DNM3: variants seen among roughly 807,000 people sequenced by gnomAD.
DNM3 encodes the protein dynamin-3.
Under a neutral mutation model 101.6 loss-of-function variants are expected in DNM3, and 47 were observed. That is an observed-to-expected ratio of 0.46 (90% CI 0.37 to 0.59). The LOEUF (loss-of-function observed/expected upper bound fraction) is 0.59, where lower values mean the gene tolerates loss of function less well. Ranked by LOEUF, DNM3 falls within the 20% of genes least tolerant of loss-of-function variation. DNM3 has a pLI of 0.00. For missense variants in DNM3, 849 were observed against 1,085.7 expected (o/e 0.78, Z 3.06); for synonymous variants, 385 against 387.9 (o/e 0.99, Z 0.09).
chr1:172,249,319 A>G (rs1249512556), intron 14 of DNM3, among the ~76,000 whole-genome samples: 3 of 151,966 alleles, frequency 2.0e-5, no homozygotes, highest in African/African-American at 7.2e-5. Context: ...CCCACCTTCT[A>G]CCACCTTGGT....
intron 13 of DNM3, 59 bp downstream of exon 13, chr1:172,092,934 C>T (rs2054011104): frequency 7.0e-7 from 1 of 1,419,008 alleles, no homozygotes. Context: ...AACTAAATCG[C>T]TTGATTGACT....
rs146017111 is a variant in DNM3 at position 172,290,293 on chromosome 1, G to C, written c.1770-18435G>C. On this transcript the variant is annotated intron_variant, in intron 15 of 20. Transcript: ENST00000627582. The stretch of plus-strand genomic sequence containing the variant: ...ATGAAAAGAGTAAGAATGGGTGAAG[G>C]GTGGCAGGATTTTAGCTAGAGGGGT... 4.9e-3 allele frequency among the ~76,000 whole-genome samples: 742 copies of C among 152,244 alleles called. 6 individuals are homozygous for C. The highest frequency in any genetic ancestry group is 0.016 in the African/African-American group (678 of 41,546).
At chr1:172,254,357 C>A (rs946980192) in intron 15 of DNM3, among the ~76,000 whole-genome samples, 1 of 152,154 alleles carries the variant, frequency 6.6e-6, no homozygotes, top group African/African-American at 2.4e-5. Flanking sequence ...CACTTAAGCT[C>A]TTCTTGAAGA....
intron 11 of DNM3, among the ~76,000 whole-genome samples, chr1:172,072,026 A>G (rs544440600): frequency 6.6e-6 from 1 of 152,204 alleles, no homozygotes; most frequent in African/African-American, 2.4e-5. Context: ...TTCCTATACT[A>G]CAGTCCAAGT....
At chr1:172,301,904 T>C (rs554966719) in intron 15 of DNM3, among the ~76,000 whole-genome samples, 1 of 152,270 alleles carries the variant, frequency 6.6e-6, no homozygotes, top group East Asian at 1.9e-4. Flanking sequence ...AATAAGGTTA[T>C]GGTCCCGTTC....
intron 4 of DNM3, among the ~76,000 whole-genome samples, chr1:171,996,871 A>C (rs886471214): frequency 6.6e-6 from 1 of 152,036 alleles, no homozygotes. Flanking sequence ...TGTTCAAAAA[A>C]TATAAAAAAA....
intron 15 of DNM3, among the ~76,000 whole-genome samples, chr1:172,276,557 A>ATGTGTGTGTGTGTGTGTG (rs60837783): frequency 0.012 from 1,724 of 144,336 alleles, 26 homozygotes; most frequent in African/African-American, 0.03. Context: ...AAAAATCTTA[A>ATGTGTGTGTGTGTGTGTG]TGTGTGTGTG....
At chr1:172,056,175 C>G (rs962309917) in intron 10 of DNM3, among the ~76,000 whole-genome samples, 3 of 152,240 alleles carry the variant, frequency 2.0e-5, no homozygotes, top group African/African-American at 7.2e-5. Flanking sequence ...TATCCCGCAC[C>G]TGGCTCAGAG....
chr1:172,354,112 T>TGTGAGAGAGAGAGAGAGA (rs138540712), intron 17 of DNM3, among the ~76,000 whole-genome samples: 3,285 of 94,822 alleles, frequency 0.035, 195 homozygotes, highest in African/African-American at 0.11. Flanking sequence ...TGTGTGTGTG[T>TGTGAGAGAGAGAGAGAGA]GAGAGAGAGA....
At position 172,199,152 on chromosome 1, in the gene DNM3, A is replaced by G. The variant is rs571997621; in HGVS notation, c.1660-54421A>G. On this transcript the variant is annotated intron_variant, in intron 14 of 20. Transcript: ENST00000627582. ...CAAAGAACTTCTTGATTTCTGCCTT[A>G]GTTTTATTATTTACCCAAAAGTCAT... 3.9e-5 allele frequency among the ~76,000 whole-genome samples: 6 copies of G among 152,066 alleles called. No individual in the cohort carries two copies. In the South Asian group the frequency reaches 1.0e-3, roughly 26 times the overall value.
At chr1:172,356,142 C>T (rs964963762) in intron 17 of DNM3, among the ~76,000 whole-genome samples, 1 of 151,892 alleles carries the variant, frequency 6.6e-6, no homozygotes, top group Non-Finnish European at 1.5e-5. Flanking sequence ...CACTTTCAGG[C>T]AGCAAAAACA....
In DNM3 at chr1:172,053,554, C is replaced by T. The variant is rs199761362; in HGVS notation, c.1335+4804C>T. ...TTGTAAGCTCCTTTGAAAAAAAAGG[C>T]GCTGTGTTTTTTATCTTCTCTCTAG... On this transcript the variant is annotated intron_variant, in intron 10 of 20. Coordinates refer to ENST00000627582, the MANE Select transcript of DNM3 (RefSeq NM_015569.5). Among the ~76,000 whole-genome samples the T allele has an allele frequency of 4.6e-5, 7 of 152,096 alleles. No homozygotes were observed. The East Asian group carries it at 5.8e-4, about 13-fold the overall frequency.
intron 13 of DNM3, among the ~76,000 whole-genome samples, chr1:172,113,311 C>G (rs538164221): frequency 6.6e-6 from 1 of 152,166 alleles, no homozygotes; most frequent in Non-Finnish European, 1.5e-5. Flanking sequence ...ATTTTCACCA[C>G]AATTCTATAA....
rs533582843 is a variant in DNM3, at chr1:172,171,613, T to C, written c.1659+40325T>C. On this transcript the variant is annotated intron_variant, in intron 14 of 20. Transcript: ENST00000627582. ...GTAGCTGTATACTGTCTACAACTGC[T>C]GTGCAGAAAGACCTCAGTGCCAGCT... is the stretch of plus-strand genomic sequence containing the variant. 2.6e-5 allele frequency among the ~76,000 whole-genome samples: 4 copies of C among 151,870 alleles called. No individual in the cohort carries two copies. The South Asian group carries it at 8.3e-4, about 32-fold the overall frequency.
chr1:172,376,491 A>G (rs916083855), intron 17 of DNM3: 4 of 152,104 alleles, frequency 2.6e-5, no homozygotes, highest in Admixed American at 6.6e-5. Flanking sequence ...AAAGAGCACA[A>G]TGGAGAATTT....
intron 14 of DNM3, among the ~76,000 whole-genome samples, chr1:172,159,017 A>G (rs2148277830): frequency 6.6e-6 from 1 of 152,180 alleles, no homozygotes; most frequent in African/African-American, 2.4e-5. Context: ...GCTGCTATGT[A>G]TGTATGATCA....
intron 14 of DNM3, among the ~76,000 whole-genome samples, chr1:172,149,823 C>CT (rs930420223): frequency 4.0e-4 from 60 of 148,850 alleles, no homozygotes; most frequent in South Asian, 6.4e-4. Context: ...ACAGAAACTA[C>CT]TTTTTTTTTT....
At chr1:171,881,145 C>T (rs1384014624) in intron 1 of DNM3, among the ~76,000 whole-genome samples, 1 of 152,052 alleles carries the variant, frequency 6.6e-6, no homozygotes, top group Non-Finnish European at 1.5e-5. Flanking sequence ...GTTGTATTCA[C>T]ATTATATTGA....
At chr1:172,379,943 T>C (rs558917284) in intron 18 of DNM3, among the ~76,000 whole-genome samples, 1 of 152,168 alleles carries the variant, frequency 6.6e-6, no homozygotes, top group Admixed American at 6.6e-5. Context: ...TATAGGGGGC[T>C]TTTCTGAATC....
Sources: gnomAD v4.1 joint callset for allele counts (sites outside exome capture counted in the v4.1 genomes callset) on GRCh38, gnomAD v4.1.1 for gene constraint, MANE v1.5 for transcripts, NCBI Gene and HGNC (gene_info 2026-07-23, HGNC 2026-07-21) for gene names.